The following EPC2 variants were observed in gnomAD, a reference collection of about 807,000 sequenced individuals.
EPC2 encodes enhancer of polycomb homolog 2.
A neutral mutation model predicts 92.1 loss-of-function variants in EPC2; 14 were observed. The observed-to-expected ratio is 0.15, with a 90% CI of 0.10 to 0.24. The LOEUF is 0.24. Ranked by LOEUF, EPC2 falls within the 10% of genes least tolerant of loss-of-function variation. EPC2 has a pLI of 1.00. For missense variants in EPC2, 755 were observed against 971.5 expected, an observed-to-expected ratio of 0.78 and a Z score of 2.96; for synonymous variants, 340 against 334.7, an observed-to-expected ratio of 1.02 and a Z score of -0.17.
At chr2:148,762,051 A>G (rs539839853) in intron 5 of EPC2, 121 bp downstream of exon 5, 1 of 772,480 alleles carries the variant, frequency 1.3e-6, no homozygotes, top group African/African-American at 1.9e-5. Context: ...TGATTCTGTA[A>G]GAATTTATAT....
At chr2:148,758,286 G>A (rs1413705521) in intron 4 of EPC2, among the ~76,000 whole-genome samples, 1 of 152,176 alleles carries the variant, frequency 6.6e-6, no homozygotes, top group Non-Finnish European at 1.5e-5. Context: ...CCATAATAAT[G>A]CAGATAATTA....
intron 12 of EPC2, among the ~76,000 whole-genome samples, chr2:148,784,161 A>G (rs949223796): frequency 6.6e-6 from 1 of 152,250 alleles, no homozygotes; most frequent in Non-Finnish European, 1.5e-5. Context: ...GCTCATAGGC[A>G]TACTAACTCT....
At chr2:148,667,304 G>A (rs1029136266) in intron 1 of EPC2, among the ~76,000 whole-genome samples, 5 of 152,164 alleles carry the variant, frequency 3.3e-5, no homozygotes, top group Admixed American at 2.0e-4. Flanking sequence ...TGTGTGGCAG[G>A]TTGTTTCAGT....
intron 12 of EPC2, 71 bp from the exon 13 acceptor site, chr2:148,784,597 T>G: frequency 8.6e-7 from 1 of 1,158,540 alleles, no homozygotes; most frequent in East Asian, 2.4e-5. Flanking sequence ...TCGTATTTAT[T>G]TTATTAAGCT....
intron 10 of EPC2, among the ~76,000 whole-genome samples, chr2:148,773,466 T>C (rs1472107036): frequency 1.3e-5 from 2 of 152,160 alleles, no homozygotes; most frequent in African/African-American, 4.8e-5. Flanking sequence ...TTAAAAAATT[T>C]TAAGGCTTAA....
intron 3 of EPC2, 114 bp from the exon 4 acceptor site, chr2:148,753,813 T>TTA (rs1359613280): frequency 1.4e-6 from 1 of 710,580 alleles, no homozygotes; most frequent in African/African-American, 1.8e-5. Flanking sequence ...CTTACTATAA[T>TTA]ATTATCTGTT....
chr2:148,719,832 G>A (rs1009318120), intron 2 of EPC2, among the ~76,000 whole-genome samples: 4 of 152,234 alleles, frequency 2.6e-5, no homozygotes, highest in African/African-American at 9.6e-5. Flanking sequence ...GGCTGAACTG[G>A]CTGAGGAGCC....
chr2:148,778,001 A>G (rs1683679376), intron 10 of EPC2, among the ~76,000 whole-genome samples: 3 of 152,216 alleles, frequency 2.0e-5, no homozygotes, highest in Non-Finnish European at 4.4e-5. Flanking sequence ...TCCTGTAACA[A>G]GTATGCCAAA....
chr2:148,755,999 C>T (rs1430780451), intron 4 of EPC2, among the ~76,000 whole-genome samples: 1 of 152,140 alleles, frequency 6.6e-6, no homozygotes, highest in Non-Finnish European at 1.5e-5. Flanking sequence ...ATTGGACTTC[C>T]TTTAGTGAAT....
intron 2 of EPC2, among the ~76,000 whole-genome samples, chr2:148,728,025 C>T (rs910723727): frequency 6.6e-6 from 1 of 152,142 alleles, no homozygotes; most frequent in Non-Finnish European, 1.5e-5. Context: ...TCACTCACTT[C>T]ATCACCTAGG....
intron 7 of EPC2, among the ~76,000 whole-genome samples, chr2:148,765,614 A>C (rs1036012668): frequency 6.6e-6 from 1 of 152,246 alleles, no homozygotes; most frequent in African/African-American, 2.4e-5. Flanking sequence ...TTGATTCTAA[A>C]AAAGACTTAA....
intron 1 of EPC2, among the ~76,000 whole-genome samples, chr2:148,669,336 T>C (rs1681111290): frequency 6.6e-6 from 1 of 152,222 alleles, no homozygotes; most frequent in African/African-American, 2.4e-5. Flanking sequence ...CTGGATATTT[T>C]TGTATTCCTA....
At chr2:148,762,950 G>A in intron 6 of EPC2, 148 bp downstream of exon 6, 1 of 776,648 alleles carries the variant, frequency 1.3e-6, no homozygotes, top group Non-Finnish European at 1.9e-6. Context: ...ACTTTGCTAG[G>A]AGTATTTATA....
rs1253261405 is a variant in EPC2 at position 148,691,841 on chromosome 2, A to T, written c.313+1468A>T. ...TCTGCATGGCTAATTTATTTCTTTAATCTTACACTGAGGGCATAGCCCTTT... is the reference window on the plus strand; with the variant it reads ...TCTGCATGGCTAATTTATTTCTTTATTCTTACACTGAGGGCATAGCCCTTT... On this transcript the variant is annotated intron_variant, in intron 2 of 13. Coordinates refer to ENST00000258484, the MANE Select transcript of EPC2 (RefSeq NM_015630.4). 49 of 645,054 alleles carry T rather than the reference A, an allele frequency of 7.6e-5. 1 individual carries two copies. In the East Asian group the frequency reaches 1.5e-3, roughly 19 times the overall value. 40.0% of individuals were successfully genotyped at this position (645,054 alleles called of 1,614,324 possible). A position where few individuals can be genotyped will look rare whatever the true frequency, so the allele number is the denominator to read the frequency against.
chr2:148,675,085 T>C (rs1681235589), intron 1 of EPC2, among the ~76,000 whole-genome samples: 2 of 152,234 alleles, frequency 1.3e-5, no homozygotes, highest in Non-Finnish European at 2.9e-5. Flanking sequence ...ATTTTATTTC[T>C]CTATTTATCT....
chr2:148,719,882 C>T (rs1333199540), intron 2 of EPC2, among the ~76,000 whole-genome samples: 1 of 152,250 alleles, frequency 6.6e-6, no homozygotes, highest in Non-Finnish European at 1.5e-5. Flanking sequence ...TCTTCAGGCA[C>T]TCCATCCCAG....
At chr2:148,760,716 G>C (rs1036914356) in intron 4 of EPC2, among the ~76,000 whole-genome samples, 2 of 152,126 alleles carry the variant, frequency 1.3e-5, no homozygotes, top group African/African-American at 4.8e-5. Context: ...ACCATAATGG[G>C]ACTTAGTGTA....
At chr2:148,676,571 C>G (rs1159851168) in intron 1 of EPC2, among the ~76,000 whole-genome samples, 1 of 151,936 alleles carries the variant, frequency 6.6e-6, no homozygotes, top group Admixed American at 6.6e-5. Context: ...ATATTCTATT[C>G]ATCTAGGCTC....
chr2:148,721,622 T>G (rs1220193106), intron 2 of EPC2, among the ~76,000 whole-genome samples: 1 of 151,926 alleles, frequency 6.6e-6, no homozygotes, highest in Non-Finnish European at 1.5e-5. Flanking sequence ...GGAGAAATTC[T>G]CAGTCATTGT....
Sources: gnomAD v4.1 joint callset for allele counts (sites outside exome capture counted in the v4.1 genomes callset) on GRCh38, gnomAD v4.1.1 for gene constraint, MANE v1.5 for transcripts, NCBI Gene and HGNC (gene_info 2026-07-23, HGNC 2026-07-21) for gene names.